YTHDF3: variants seen among roughly 807,000 people sequenced by gnomAD.
The protein encoded by YTHDF3 is YTH N6-methyladenosine RNA binding protein F3, also known as YTH domain-containing family protein 3.
In YTHDF3, 9 loss-of-function variants were observed where a neutral mutation model predicts 52.5. The observed-to-expected ratio is 0.17, with a 90% confidence interval of 0.10 to 0.30. The LOEUF is 0.30. Among genes scored for constraint, YTHDF3 ranks in the 10% least tolerant of loss-of-function variants. YTHDF3 has a pLI of 1.00. For missense variants in YTHDF3, 534 were observed against 715.0 expected (o/e 0.75, Z 2.89); for synonymous variants, 274 against 243.3 (o/e 1.13, Z -1.18).
chr8:63,179,239 T>C (rs1807906845), intron 3 of YTHDF3, among the ~76,000 whole-genome samples: 1 of 151,656 alleles, frequency 6.6e-6, no homozygotes, highest in Non-Finnish European at 1.5e-5. Flanking sequence ...TTTTTTTTTA[T>C]TGATCATTCT....
At chr8:63,202,932 ATTCTT>A (rs1279633337) in intron 4 of YTHDF3, among the ~76,000 whole-genome samples, 8 of 151,928 alleles carry the variant, frequency 5.3e-5, no homozygotes, top group Non-Finnish European at 1.2e-4. Context: ...GGTGTTTTTT[ATTCTT>A]TTCTTAATTT....
chr8:63,179,954 G>T (rs1399896410), intron 3 of YTHDF3, among the ~76,000 whole-genome samples: 1 of 151,168 alleles, frequency 6.6e-6, no homozygotes, highest in Non-Finnish European at 1.5e-5. Context: ...CCCGGACGGG[G>T]CGGCTGGCCG....
chr8:63,199,518 C>T (rs946209986), intron 4 of YTHDF3, among the ~76,000 whole-genome samples: 6 of 152,106 alleles, frequency 3.9e-5, no homozygotes, highest in South Asian at 2.1e-4. Context: ...TACATGATAA[C>T]TTGAGTAGCA....
intron 3 of YTHDF3, among the ~76,000 whole-genome samples, chr8:63,179,586 A>G (rs1807938989): frequency 6.6e-6 from 1 of 152,148 alleles, no homozygotes; most frequent in Non-Finnish European, 1.5e-5. Flanking sequence ...TTCTTAGTAC[A>G]GAACAAAATG....
intron 4 of YTHDF3, among the ~76,000 whole-genome samples, chr8:63,190,203 A>G (rs564709953): frequency 6.6e-6 from 1 of 152,298 alleles, no homozygotes; most frequent in South Asian, 2.1e-4. Flanking sequence ...AGTTAATAGC[A>G]TGGAAGTGGG....
rs1585797640 is a variant in YTHDF3 at position 63,210,952 on chromosome 8, A to G, written c.*1246A>G. 6.6e-6 allele frequency: 1 copy of G among 152,606 alleles called. No individual in the cohort carries two copies. The highest frequency in any genetic ancestry group is 6.5e-5 in the Admixed American group (1 of 15,276). 9.5% of individuals were successfully genotyped at this position (152,606 alleles called of 1,614,324 possible). On this transcript the variant is annotated 3_prime_UTR_variant, in exon 5 of 5. Transcript: ENST00000539294. ...GATTTGATGGCATAAGGTTATGAAA[A>G]TAATGTACTGCCCCATGTATTACTG... is the stretch of plus-strand genomic sequence containing the variant.
intron 4 of YTHDF3, among the ~76,000 whole-genome samples, chr8:63,198,710 GTT>G (rs895005630): frequency 2.0e-5 from 3 of 152,300 alleles, no homozygotes; most frequent in Admixed American, 1.3e-4. Context: ...TTCAAAAATA[GTT>G]ATACTTATGA....
At chr8:63,189,920 C>T (rs1009828502) in intron 4 of YTHDF3, among the ~76,000 whole-genome samples, 1 of 152,090 alleles carries the variant, frequency 6.6e-6, no homozygotes, top group Non-Finnish European at 1.5e-5. Context: ...TGTGTTTTCT[C>T]CCACTTAAAT....
At chr8:63,205,714 G>A (rs1170320383) in intron 4 of YTHDF3, among the ~76,000 whole-genome samples, 3 of 152,152 alleles carry the variant, frequency 2.0e-5, no homozygotes, top group Admixed American at 6.5e-5. Flanking sequence ...TATTACAGGC[G>A]TGAGCCACTG....
At position 63,187,326 on chromosome 8, in the gene YTHDF3, T is replaced by G; in HGVS notation, c.1315T>G (p.Cys439Gly). 6.2e-7 allele frequency: 1 copy of G among 1,614,034 alleles called. No individual in the cohort carries two copies. The highest frequency in any genetic ancestry group is 8.5e-7 in the Non-Finnish European group (1 of 1,179,906). ...IHRSIKYSIW[C>G]STEHGNKRLD... ...TCGTTCCATTAAATACTCTATCTGGTGTAGTACTGAGCATGGTAATAAGCG... is the reference window on the plus strand; with the variant it reads ...TCGTTCCATTAAATACTCTATCTGGGGTAGTACTGAGCATGGTAATAAGCG... Residue 439 changes from cysteine to glycine, a missense_variant, in exon 4 of 5, where the codon TGT becomes GGT. Around this residue, in one of 3 missense-constraint regions of YTHDF3, gnomAD observed 135 missense variants for 214.2 expected, o/e 0.63. Coordinates refer to ENST00000539294, the MANE Select transcript of YTHDF3 (RefSeq NM_152758.6).
At chr8:63,180,730 G>T (rs571369156) in intron 3 of YTHDF3, among the ~76,000 whole-genome samples, 1 of 152,240 alleles carries the variant, frequency 6.6e-6, no homozygotes, top group Non-Finnish European at 1.5e-5. Context: ...CTGGCACCTC[G>T]GGAGGCCGAG....
intron 2 of YTHDF3, among the ~76,000 whole-genome samples, chr8:63,171,458 A>G (rs938858461): frequency 3.3e-5 from 5 of 152,136 alleles, no homozygotes; most frequent in Non-Finnish European, 7.4e-5. Flanking sequence ...GCAGGAGGGG[A>G]AAAATGCTAC....
chr8:63,201,535 T>C (rs73686707), intron 4 of YTHDF3, among the ~76,000 whole-genome samples: 11,225 of 152,272 alleles, frequency 0.074, 696 homozygotes, highest in East Asian at 0.36. Flanking sequence ...TTACCAGATG[T>C]TGAGTTAATC....
intron 3 of YTHDF3, among the ~76,000 whole-genome samples, chr8:63,185,239 G>T (rs552408194): frequency 6.6e-6 from 1 of 151,712 alleles, no homozygotes; most frequent in Admixed American, 6.6e-5. Flanking sequence ...ATACTTTAAA[G>T]TATTTTATTT....
At chr8:63,171,427 A>G (rs954433771) in intron 2 of YTHDF3, among the ~76,000 whole-genome samples, 3 of 151,998 alleles carry the variant, frequency 2.0e-5, no homozygotes, top group African/African-American at 7.3e-5. Flanking sequence ...GTGCAGGAAG[A>G]CTCCTTTGCA....
chr8:63,178,436 G>T (rs1469127676), intron 3 of YTHDF3, among the ~76,000 whole-genome samples: 1 of 152,134 alleles, frequency 6.6e-6, no homozygotes, highest in Non-Finnish European at 1.5e-5. Context: ...AGATGTAAAG[G>T]CATTTACCTT....
Position 63,186,680 on chromosome 8 carries a change from T to C in YTHDF3, c.669T>C (p.Asn223=), listed in dbSNP as rs1808526437. The change falls in exon 4 of 5, where the codon AAT becomes AAC. Residue 223 remains asparagine, a synonymous_variant. Transcript: ENST00000539294. The part of the protein sequence containing the change: ...SSSGMTSIAT[N]SVPPVSSAAP... ...GTGGTATGACTAGCATTGCAACCAA[T>C]AGTGTGCCCCCAGTTAGCAGTGCAG... The C allele has an allele frequency of 1.2e-6, 2 of 1,613,898 alleles. No individual in the cohort carries two copies. Among genetic ancestry groups the C allele is most frequent in the Non-Finnish European group, 1.7e-6 (2 of 1,179,860 alleles).
intron 4 of YTHDF3, among the ~76,000 whole-genome samples, chr8:63,209,338 CA>C: frequency 6.6e-6 from 1 of 152,164 alleles, no homozygotes; most frequent in African/African-American, 2.4e-5. Flanking sequence ...CTACCTCAGC[CA>C]ATAGCTTTTA....
chr8:63,212,087 A>T lies in YTHDF3; in HGVS notation c.*2381A>T. On this transcript the variant is annotated 3_prime_UTR_variant, in exon 5 of 5. Coordinates refer to ENST00000539294, the MANE Select transcript of YTHDF3 (RefSeq NM_152758.6). The stretch of plus-strand genomic sequence containing the variant: ...GTCTACAAGAGGAGACACATCATCA[A>T]ATGTTTGAATGATCACAAATTAAGA... 6.6e-6 allele frequency: 1 copy of T among 152,596 alleles called. No homozygotes were observed. Among genetic ancestry groups the T allele is most frequent in the East Asian group, 1.9e-4 (1 of 5,200 alleles). 9.5% of individuals were successfully genotyped at this position (152,596 alleles called of 1,614,324 possible).
Sources: gnomAD v4.1 joint callset for allele counts (sites outside exome capture counted in the v4.1 genomes callset) on GRCh38, gnomAD v4.1.1 for gene constraint, gnomAD v4.1.1 regional missense constraint, MANE v1.5 for transcripts, NCBI Gene and HGNC (gene_info 2026-07-23, HGNC 2026-07-21) for gene names.